The following NALCN variants were observed in gnomAD, a reference collection of about 807,000 sequenced individuals.
The protein encoded by NALCN is sodium leak channel NALCN.
A neutral mutation model predicts 225.3 loss-of-function variants in NALCN; 111 were observed. The ratio of observed to expected loss-of-function variants is 0.49; its 90% confidence interval spans 0.42 to 0.58. NALCN has a LOEUF of 0.58. NALCN is among the 20% of genes least tolerant of loss of function. The pLI is 0.00. For missense variants in NALCN, 1,378 were observed against 2,202.4 expected (o/e 0.63, Z 7.49); for synonymous variants, 764 against 769.0 (o/e 0.99, Z 0.11).
intron 12 of NALCN, among the ~76,000 whole-genome samples, chr13:101,231,603 T>C (rs1037216574): frequency 1.3e-5 from 2 of 152,174 alleles, no homozygotes; most frequent in Non-Finnish European, 2.9e-5. Context: ...TCAGAGATAT[T>C]AACATAGGAA....
chr13:101,406,673 A>G (rs2047636283), intron 1 of NALCN, among the ~76,000 whole-genome samples: 4 of 152,190 alleles, frequency 2.6e-5, no homozygotes, highest in Admixed American at 2.6e-4. Context: ...TTTTTCTGGT[A>G]GAAATCATCA....
At chr13:101,060,971 G>C (rs2031882207) in intron 41 of NALCN, among the ~76,000 whole-genome samples, 1 of 152,196 alleles carries the variant, frequency 6.6e-6, no homozygotes, top group Non-Finnish European at 1.5e-5. Flanking sequence ...TCCTCCAATA[G>C]AAATACATGT....
chr13:101,083,682 CATGAA>C (rs1211059321), intron 31 of NALCN, 24 bp downstream of exon 31: 1 of 1,604,474 alleles, frequency 6.2e-7, no homozygotes, highest in East Asian at 2.2e-5. Context: ...TAGTGCCCAA[CATGAA>C]TAAAATCAGA....
intron 13 of NALCN, among the ~76,000 whole-genome samples, chr13:101,201,095 G>GT (rs1416236349): frequency 6.6e-6 from 1 of 152,128 alleles, no homozygotes; most frequent in Admixed American, 6.5e-5. Context: ...CAATAAACCT[G>GT]TAACTCTAAG....
At chr13:101,301,023 T>G (rs1399762296) in intron 7 of NALCN, among the ~76,000 whole-genome samples, 1 of 152,234 alleles carries the variant, frequency 6.6e-6, no homozygotes, top group African/African-American at 2.4e-5. Context: ...CTAAGTTAAT[T>G]TTTTATAAGT....
chr13:101,357,391 T>C (rs2046095670), intron 6 of NALCN, among the ~76,000 whole-genome samples: 2 of 151,716 alleles, frequency 1.3e-5, no homozygotes, highest in Admixed American at 1.3e-4. Flanking sequence ...ACACCAAAAA[T>C]ACACAAGCAG....
In NALCN at chr13:101,292,891, C is replaced by T. The variant is rs1037373698; in HGVS notation, c.800-525G>A. On this transcript the variant is annotated intron_variant, in intron 7 of 43. Coordinates refer to ENST00000251127, the MANE Select transcript of NALCN (RefSeq NM_052867.4). The surrounding 1 kb of genome is among the most constrained non-coding windows in gnomAD (Gnocchi z 4.3). ...TTGGATTCCATGGTGTTACCGAACA[C>T]CAGAATGTAAGGCAGTGAATCACCA... Among the ~76,000 whole-genome samples the T allele has an allele frequency of 3.9e-5, 6 of 152,064 alleles. No homozygotes were observed. The highest frequency in any genetic ancestry group is 5.9e-5 in the Non-Finnish European group (4 of 68,012).
rs547277589 is a variant in NALCN at position 101,059,399 on chromosome 13, GATTTTA to G, written c.4905+413_4905+418del. On this transcript the variant is annotated intron_variant, in intron 42 of 43. Coordinates refer to ENST00000251127, the MANE Select transcript of NALCN (RefSeq NM_052867.4). ...AAAGCTAATTACAAACATTTTCACT[GATTTTA>G]CTGCAAATTTCTATGACTTTAGAGA... 3.3e-3 allele frequency: 515 copies of G among 154,104 alleles called. 1 individual carries two copies. Among genetic ancestry groups the G allele is most frequent in the African/African-American group, 0.012 (490 of 41,624 alleles). The allele number at this position is 154,104 out of a possible 1,614,324, so 9.5% of individuals were successfully genotyped here. A position where few individuals can be genotyped will look rare whatever the true frequency, so the allele number is the denominator to read the frequency against.
At chr13:101,142,123 T>C (rs903389452) in intron 17 of NALCN, among the ~76,000 whole-genome samples, 10 of 148,956 alleles carry the variant, frequency 6.7e-5, no homozygotes, top group Admixed American at 6.7e-4. Flanking sequence ...TATACCTAGA[T>C]AATACATTCT....
intron 6 of NALCN, 83 bp from the exon 7 acceptor site, chr13:101,345,503 A>C (rs2045691064): frequency 1.3e-6 from 2 of 1,484,180 alleles, no homozygotes; most frequent in African/African-American, 2.8e-5. Flanking sequence ...ACCCTTCATT[A>C]ATATCTATGT....
intron 40 of NALCN, among the ~76,000 whole-genome samples, chr13:101,064,223 G>A (rs188430265): frequency 6.6e-6 from 1 of 152,278 alleles, no homozygotes; most frequent in East Asian, 1.9e-4. Flanking sequence ...TAATGCGACT[G>A]TGGTTTGTTG....
chr13:101,278,247 G>A (rs1282084045), intron 10 of NALCN, among the ~76,000 whole-genome samples: 1 of 152,038 alleles, frequency 6.6e-6, no homozygotes, highest in East Asian at 1.9e-4. Context: ...GGGTTCAGCT[G>A]GGCACAGTGG....
chr13:101,278,253 A>G (rs1006034863), intron 10 of NALCN, among the ~76,000 whole-genome samples: 1 of 152,122 alleles, frequency 6.6e-6, no homozygotes, highest in African/African-American at 2.4e-5. Flanking sequence ...AGCTGGGCAC[A>G]GTGGCTCACA....
At chr13:101,157,429 C>T (rs1206917347) in intron 15 of NALCN, among the ~76,000 whole-genome samples, 2 of 152,052 alleles carry the variant, frequency 1.3e-5, no homozygotes, top group African/African-American at 2.4e-5. Context: ...GGAAATTTCA[C>T]GGTGACAGAA....
At chr13:101,211,652 A>G (rs1024990386) in intron 13 of NALCN, among the ~76,000 whole-genome samples, 1 of 137,016 alleles carries the variant, frequency 7.3e-6, no homozygotes, top group Non-Finnish European at 1.5e-5. Context: ...ACAATAAACT[A>G]TATATATATA....
chr13:101,264,750 A>G (rs517730), intron 10 of NALCN, among the ~76,000 whole-genome samples: 131,683 of 152,220 alleles, frequency 0.87, 59,772 homozygotes, highest in Non-Finnish European at 0.99. Context: ...AATACCACAG[A>G]TGCTGGCTGG....
chr13:101,100,912 A>G lies in NALCN; in HGVS notation c.3058-24T>C, dbSNP rs767877942. On this transcript the variant is annotated intron_variant, in intron 26 of 43. Coordinates refer to ENST00000251127, the MANE Select transcript of NALCN (RefSeq NM_052867.4). ...ACCTGAAAGAAATTGATGAAATGTT[A>G]AATCTCTTGTTAAAGACTAAATATT... 17 of 1,581,206 alleles carry G rather than the reference A, an allele frequency of 1.1e-5. No individual in the cohort carries two copies. The South Asian group carries it at 1.9e-4, about 18-fold the overall frequency.
intron 1 of NALCN, among the ~76,000 whole-genome samples, chr13:101,406,222 A>G (rs545734909): frequency 6.6e-6 from 1 of 151,850 alleles, no homozygotes; most frequent in Admixed American, 6.6e-5. Flanking sequence ...GCTACTCAGG[A>G]GTCTGAGGTG....
At chr13:101,173,641 C>A (rs535358040) in intron 15 of NALCN, among the ~76,000 whole-genome samples, 14 of 152,138 alleles carry the variant, frequency 9.2e-5, no homozygotes, top group African/African-American at 2.9e-4. Flanking sequence ...GTAAAAGAAG[C>A]AAAAAGTTTG....
Sources: allele counts gnomAD v4.1 joint callset (sites outside exome capture counted in the v4.1 genomes callset), GRCh38; gene constraint gnomAD v4.1.1; non-coding constraint Gnocchi (gnomAD v3.1); transcripts MANE v1.5; gene names NCBI Gene and HGNC (gene_info 2026-07-23, HGNC 2026-07-21).